CDC73: variants seen among roughly 807,000 people sequenced by gnomAD.
CDC73 encodes the protein parafibromin.
A neutral mutation model predicts 83.7 loss-of-function variants in CDC73; 21 were observed. The ratio of observed to expected loss-of-function variants is 0.25; its 90% CI spans 0.18 to 0.36. The LOEUF (loss-of-function observed/expected upper bound fraction) is 0.36. Among genes scored for constraint, CDC73 ranks in the 10% least tolerant of loss-of-function variants. The probability of loss-of-function intolerance (pLI) is 1.00; values close to 1 mark genes in which losing one functional copy is unlikely to be tolerated. For synonymous variants in CDC73, 224 were observed against 212.9 expected, an observed-to-expected ratio of 1.05 and a Z score of -0.45; for missense variants, 342 against 653.3, an observed-to-expected ratio of 0.52 and a Z score of 5.19.
At chr1:193,123,649 A>G (rs565628568) in intron 1 of CDC73, among the ~76,000 whole-genome samples, 58 of 151,130 alleles carry the variant, frequency 3.8e-4, no homozygotes, top group Non-Finnish European at 5.9e-4. Context: ...GTAGAATTAC[A>G]TGTGGTTGGA....
At chr1:193,132,160 G>A (rs1471251570) in intron 3 of CDC73, among the ~76,000 whole-genome samples, 2 of 152,172 alleles carry the variant, frequency 1.3e-5, no homozygotes, top group African/African-American at 4.8e-5. Flanking sequence ...GTACCTTTAA[G>A]TCATTAACAG....
chr1:193,163,150 GTT>G (rs58263195), intron 10 of CDC73, among the ~76,000 whole-genome samples: 94,222 of 145,782 alleles, frequency 0.65, 29,938 homozygotes, highest in South Asian at 0.75. Context: ...ACTTTGTGGG[GTT>G]GTGTGTGTGT....
At chr1:193,176,278 A>G (rs936953657) in intron 10 of CDC73, among the ~76,000 whole-genome samples, 2 of 152,154 alleles carry the variant, frequency 1.3e-5, no homozygotes, top group East Asian at 1.9e-4. Context: ...ATCTTTTCCC[A>G]GTAATAAGGC....
chr1:193,159,741 A>G (rs1399838680), intron 10 of CDC73, among the ~76,000 whole-genome samples: 1 of 152,180 alleles, frequency 6.6e-6, no homozygotes, highest in African/African-American at 2.4e-5. Flanking sequence ...CATATATAAT[A>G]TTTTGTAAAC....
In CDC73 at chr1:193,135,466, G is replaced by A. The variant is rs2103121548; in HGVS notation, c.370+13G>A. The A allele has an allele frequency of 1.2e-6, 2 of 1,611,490 alleles. No individual in the cohort carries two copies. Among genetic ancestry groups the A allele is most frequent in the Non-Finnish European group, 1.7e-6 (2 of 1,177,750 alleles). On this transcript the variant is annotated intron_variant, in intron 4 of 16. Transcript: ENST00000367435. ...CGATCTACTCAAGGTATGTCTTGTT[G>A]CATATTTATATTGAACTTTCAGAAG...
chr1:193,204,221 A>ATGTATATGTATATG (rs1677142724), intron 11 of CDC73, among the ~76,000 whole-genome samples: 1 of 12,848 alleles, frequency 7.8e-5, no homozygotes, highest in Non-Finnish European at 1.9e-4. Context: ...ATATATGTAT[A>ATGTATATGTATATG]TATATGTATA....
At chr1:193,202,060 T>C (rs1677100713) in intron 10 of CDC73, among the ~76,000 whole-genome samples, 1 of 152,172 alleles carries the variant, frequency 6.6e-6, no homozygotes, top group South Asian at 2.1e-4. Flanking sequence ...TTAAATCACA[T>C]CCCCACGAGT....
chr1:193,220,379 G>T (rs1677447118), intron 13 of CDC73, among the ~76,000 whole-genome samples: 1 of 151,706 alleles, frequency 6.6e-6, no homozygotes, highest in South Asian at 2.1e-4. Flanking sequence ...GGTCAGGCTG[G>T]TCTCAAACTC....
At chr1:193,183,956 GA>G (rs1388468946) in intron 10 of CDC73, among the ~76,000 whole-genome samples, 2 of 151,674 alleles carry the variant, frequency 1.3e-5, no homozygotes, top group African/African-American at 4.8e-5. Context: ...ATAAATGATG[GA>G]AAATAATCAT....
At position 193,233,087 on chromosome 1, in the gene CDC73, A is replaced by C. The variant is rs1572215351; in HGVS notation, c.1249A>C (p.Thr417Pro). ...RRKDQMQPGG[T>P]AISVTVPYRV... The stretch of plus-strand genomic sequence containing the variant: ...AAAAGACCAGATGCAACCAGGGGGC[A>C]CTGCAATTAGTGTTACAGTACCTTA... Residue 417 changes from threonine to proline, a missense_variant, in exon 14 of 17, where the codon ACT becomes CCT. Physicochemically the swap from Thr to Pro is conservative, Grantham distance 38. This residue lies in a region of CDC73 where 239 missense variants were observed against 420.6 expected (regional missense o/e 0.57). Coordinates refer to ENST00000367435, the MANE Select transcript of CDC73 (RefSeq NM_024529.5). The C allele has an allele frequency of 2.5e-6, 4 of 1,613,608 alleles. No individual in the cohort carries two copies. The highest frequency in any genetic ancestry group is 3.4e-6 in the Non-Finnish European group (4 of 1,179,510).
intron 15 of CDC73, among the ~76,000 whole-genome samples, chr1:193,242,227 C>T (rs889304416): frequency 2.0e-5 from 3 of 151,782 alleles, no homozygotes; most frequent in Non-Finnish European, 4.4e-5. Context: ...GTGCTGCATG[C>T]AGCTGCTTAG....
chr1:193,159,173 G>A (rs182246656), intron 10 of CDC73, among the ~76,000 whole-genome samples: 131 of 152,198 alleles, frequency 8.6e-4, no homozygotes, highest in Middle Eastern at 3.4e-3. Flanking sequence ...TTTGGACCAA[G>A]TCTTAATATA....
chr1:193,196,551 A>G (rs1480657949), intron 10 of CDC73, among the ~76,000 whole-genome samples: 1 of 152,222 alleles, frequency 6.6e-6, no homozygotes, highest in East Asian at 1.9e-4. Flanking sequence ...TGCATCTGAT[A>G]GTATAGAAAT....
intron 8 of CDC73, among the ~76,000 whole-genome samples, chr1:193,148,547 A>G (rs187860915): frequency 1.4e-3 from 208 of 152,156 alleles, no homozygotes; most frequent in Admixed American, 2.4e-3. Context: ...AGCTATTTTC[A>G]TATGATTCAA....
At chr1:193,128,507 G>A (rs1031158838) in intron 2 of CDC73, among the ~76,000 whole-genome samples, 1 of 151,732 alleles carries the variant, frequency 6.6e-6, no homozygotes, top group African/African-American at 2.4e-5. Context: ...GTTTTTCCAT[G>A]TTGCTCAGGC....
At chr1:193,201,024 T>C (rs1677082126) in intron 10 of CDC73, among the ~76,000 whole-genome samples, 1 of 152,184 alleles carries the variant, frequency 6.6e-6, no homozygotes, top group African/African-American at 2.4e-5. Flanking sequence ...AAGAAGGTCA[T>C]ATTCTACTGT....
intron 10 of CDC73, among the ~76,000 whole-genome samples, chr1:193,187,825 C>T (rs983906244): frequency 6.6e-6 from 1 of 151,788 alleles, no homozygotes; most frequent in Non-Finnish European, 1.5e-5. Flanking sequence ...TTAGAAGGAT[C>T]GTTAAAGAAA....
In CDC73 at chr1:193,253,849, A is replaced by T. The variant is rs1221160846; in HGVS notation, c.*3137A>T. On this transcript the variant is annotated 3_prime_UTR_variant, in exon 17 of 17. Transcript: ENST00000367435. Reference sequence around the variant, plus strand: ...TTAAATAAGATTCATTATCTAATAAATATTGAGGGAATATTTTTCCTAAAT... The same window carrying T: ...TTAAATAAGATTCATTATCTAATAATTATTGAGGGAATATTTTTCCTAAAT... The T allele has an allele frequency of 8.8e-6, 2 of 227,240 alleles. No homozygotes were observed. The highest frequency in any genetic ancestry group is 1.7e-5 in the Non-Finnish European group (2 of 114,400). 14.1% of individuals were successfully genotyped at this position (227,240 alleles called of 1,614,324 possible). A position where few individuals can be genotyped will look rare whatever the true frequency, so the allele number is the denominator to read the frequency against.
rs542361987 is a variant in CDC73, at chr1:193,252,400, A to C, written c.*1688A>C. The C allele has an allele frequency of 2.6e-5, 6 of 230,002 alleles. No homozygotes were observed. The highest frequency in any genetic ancestry group is 1.3e-4 in the African/African-American group (6 of 45,326). 14.2% of individuals were successfully genotyped at this position (230,002 alleles called of 1,614,324 possible). ...ACCAGAATCTGTAATATTTTTATGT[A>C]AGATTACTTGTCAAGACTACTACAA... is the stretch of plus-strand genomic sequence containing the variant. On this transcript the variant is annotated 3_prime_UTR_variant, in exon 17 of 17. Transcript: ENST00000367435.
Sources: gnomAD v4.1 joint callset for allele counts (sites outside exome capture counted in the v4.1 genomes callset) on GRCh38, gnomAD v4.1.1 for gene constraint, gnomAD v4.1.1 regional missense constraint, MANE v1.5 for transcripts, NCBI Gene and HGNC (gene_info 2026-07-23, HGNC 2026-07-21) for gene names.